The following VWF variants were observed in gnomAD, a reference collection of about 807,000 sequenced individuals.
VWF encodes von Willebrand factor, also known as Factor VIII related antigen.
In VWF, 176 loss-of-function variants were observed where a neutral mutation model predicts 308.6. That is an observed-to-expected ratio of 0.57 (90% CI 0.50 to 0.65). VWF has a LOEUF of 0.65. Ranked by LOEUF, VWF falls within the 30% of genes least tolerant of loss-of-function variation. The pLI is 0.00. For missense variants in VWF, 3,146 were observed against 3,648.2 expected (o/e 0.86, Z 3.55); for synonymous variants, 1,385 against 1,443.4 (o/e 0.96, Z 0.92).
Position 6,019,647 on chromosome 12 carries a change from C to G in VWF, c.3771G>C (p.Leu1257=). The G allele has an allele frequency of 1.9e-6, 3 of 1,613,940 alleles. No individual in the cohort carries two copies. Among genetic ancestry groups the G allele is most frequent in the South Asian group, 1.1e-5 (1 of 91,074 alleles). ...PTDAPVSPTT[L]YVEDISEPPL... ...GCGGTTCCGAGATGTCCTCCACATA[C>G]AGAGTGGTGGGGCTCACCGGGGCAT... Residue 1257 remains leucine (L), a synonymous_variant, in exon 28 of 52, where the codon CTG becomes CTC. Transcript: ENST00000261405. The surrounding 1 kb of genome is among the most constrained non-coding windows in gnomAD (Gnocchi z 5.8).
intron 34 of VWF, among the ~76,000 whole-genome samples, chr12:6,010,843 C>A (rs114452911): frequency 2.6e-5 from 4 of 152,166 alleles, no homozygotes; most frequent in Non-Finnish European, 4.4e-5. Flanking sequence ...TTGATTATTA[C>A]GCAAGAGTGG....
intron 50 of VWF, among the ~76,000 whole-genome samples, chr12:5,951,501 G>A (rs553666043): frequency 7.9e-5 from 12 of 152,292 alleles, no homozygotes; most frequent in African/African-American, 2.6e-4. Flanking sequence ...GGAACATATC[G>A]TCCCAGGATA....
chr12:5,971,757 A>C, intron 43 of VWF, 48 bp from the exon 44 acceptor site: 2 of 1,525,994 alleles, frequency 1.3e-6, no homozygotes, highest in Non-Finnish European at 1.8e-6. Context: ...CAGCAAAGAC[A>C]CAGGGGCTCT....
rs61751301 is a variant in VWF, at chr12:5,969,204, G to A, written c.7729+7C>T. On this transcript the variant is annotated splice_region_variant and intron_variant, in intron 45 of 51. Coordinates refer to ENST00000261405, the MANE Select transcript of VWF (RefSeq NM_000552.5). ...GGTCCAGCCCAGCCCCAGCCTGCAT[G>A]CCTTACCACAGCGACAGCTTGGGCA... 6.2e-7 allele frequency: 1 copy of A among 1,610,858 alleles called. No individual in the cohort carries two copies.
rs1196724022 is a variant in VWF, at chr12:6,110,857, T to G, written c.323+9A>C. The G allele has an allele frequency of 2.5e-6, 4 of 1,613,674 alleles. No homozygotes were observed. Among genetic ancestry groups the G allele is most frequent in the Non-Finnish European group, 2.5e-6 (3 of 1,179,590 alleles). ...AGGGTCCTTTCTAACTCAGACATTG[T>G]TGGCTTACCTTTGGTCCCCCTGTGT... On this transcript the variant is annotated intron_variant, in intron 4 of 51. Transcript: ENST00000261405.
chr12:5,973,953 A>C (rs1280167301), intron 43 of VWF, among the ~76,000 whole-genome samples: 3 of 152,144 alleles, frequency 2.0e-5, no homozygotes. Flanking sequence ...CATTCCTGAG[A>C]AGCCGCCAAT....
intron 16 of VWF, among the ~76,000 whole-genome samples, chr12:6,051,633 T>C (rs147347445): frequency 2.0e-5 from 3 of 152,294 alleles, no homozygotes; most frequent in Non-Finnish European, 4.4e-5. Context: ...GTCTGGTGAC[T>C]GGATTTCCCT....
Position 6,052,463 on chromosome 12 carries a change from GAAGTA to G in VWF, c.2186+75_2186+79del, listed in dbSNP as rs1374833511. The G allele has an allele frequency of 5.6e-6, 9 of 1,604,308 alleles. No individual in the cohort carries two copies. The African/African-American group carries it at 1.2e-4, about 21-fold the overall frequency. On this transcript the variant is annotated intron_variant, in intron 16 of 51. Transcript: ENST00000261405. ...CTTGGGCCCCAGTTTACCCATCCAT[GAAGTA>G]AAGGACTTGGGGGTCCCGTTTTCCT...
intron 5 of VWF, among the ~76,000 whole-genome samples, chr12:6,097,065 T>C (rs1201610830): frequency 1.3e-5 from 2 of 152,144 alleles, no homozygotes; most frequent in Non-Finnish European, 2.9e-5. Context: ...AAGATGTGCT[T>C]GAGTTAGGGA....
rs1199976035 is a variant in VWF at position 6,024,931 on chromosome 12, G to A, written c.3222+649C>T. On this transcript the variant is annotated intron_variant, in intron 24 of 51. Coordinates refer to ENST00000261405, the MANE Select transcript of VWF (RefSeq NM_000552.5). The surrounding 1 kb of genome is among the most constrained non-coding windows in gnomAD (Gnocchi z 4.0). Reference sequence around the variant, plus strand: ...CCAGGTACTCGGGAGGTTGAGGCAGGAGAATCGCTTGAGCCCAGGAGGCAG... The same window carrying A: ...CCAGGTACTCGGGAGGTTGAGGCAGAAGAATCGCTTGAGCCCAGGAGGCAG... 6.6e-6 allele frequency among the ~76,000 whole-genome samples: 1 copy of A among 151,846 alleles called. No individual in the cohort carries two copies. The highest frequency in any genetic ancestry group is 1.5e-5 in the Non-Finnish European group (1 of 68,006).
At chr12:6,079,364 T>C (rs189660975) in intron 6 of VWF, among the ~76,000 whole-genome samples, 3 of 152,210 alleles carry the variant, frequency 2.0e-5, no homozygotes, top group East Asian at 1.9e-4. Context: ...CCCAGCACTT[T>C]TGGAGGCCAA....
intron 24 of VWF, among the ~76,000 whole-genome samples, chr12:6,025,037 A>AG (rs34253435): frequency 0.27 from 40,090 of 149,128 alleles, 6,150 homozygotes; most frequent in African/African-American, 0.4. Flanking sequence ...AAAAAAAAAA[A>AG]AGAGAGAGAC....
At chr12:6,069,765 AAG>A (rs528556480) in intron 10 of VWF, among the ~76,000 whole-genome samples, 1 of 152,224 alleles carries the variant, frequency 6.6e-6, no homozygotes, top group Non-Finnish European at 1.5e-5. Context: ...TCTTTTCATC[AAG>A]ACATCAAGAG....
chr12:6,104,558 G>A (rs141388545), intron 5 of VWF, among the ~76,000 whole-genome samples: 62 of 152,038 alleles, frequency 4.1e-4, no homozygotes, highest in Admixed American at 1.6e-3. Flanking sequence ...TGAGCCGGAC[G>A]TGGTGACATG....
intron 16 of VWF, among the ~76,000 whole-genome samples, chr12:6,047,932 C>T (rs1944464679): frequency 6.6e-6 from 1 of 152,194 alleles, no homozygotes; most frequent in African/African-American, 2.4e-5. Context: ...GGATTTTAGT[C>T]TATCTGCACA....
In VWF at chr12:6,041,842, T is replaced by C. The variant is rs556842447; in HGVS notation, c.2442+2449A>G. On this transcript the variant is annotated intron_variant, in intron 18 of 51. Coordinates refer to ENST00000261405, the MANE Select transcript of VWF (RefSeq NM_000552.5). ...CATTTTTATTGTATTTACAAAAGCA[T>C]GGGTCCACAGCAGGCTGGAAATCTA... Among the ~76,000 whole-genome samples the C allele has an allele frequency of 3.3e-5, 5 of 152,338 alleles. No homozygotes were observed. The East Asian group carries it at 9.6e-4, about 29-fold the overall frequency.
chr12:6,026,890 A>G (rs11609998), intron 22 of VWF, among the ~76,000 whole-genome samples: 42,904 of 152,096 alleles, frequency 0.28, 6,817 homozygotes, highest in African/African-American at 0.42. Context: ...AAATACATAC[A>G]GTTAAATGTC....
Position 6,012,614 on chromosome 12 carries a change from T to C in VWF, c.5621-484A>G, listed in dbSNP as rs566481314. ...TTATTCCCCCGAAGGACAGTAGCTT[T>C]ATGCAGGTTTTGACTTACATCTAGT... On this transcript the variant is annotated intron_variant, in intron 32 of 51. Transcript: ENST00000261405. Among the ~76,000 whole-genome samples the C allele has an allele frequency of 2.0e-5, 3 of 152,248 alleles. No homozygotes were observed. The South Asian group carries it at 6.2e-4, about 32-fold the overall frequency.
intron 43 of VWF, among the ~76,000 whole-genome samples, chr12:5,972,825 A>G (rs2136359689): frequency 6.6e-6 from 1 of 152,336 alleles, no homozygotes; most frequent in South Asian, 2.1e-4. Flanking sequence ...CCTCCAAGAT[A>G]CAGCAGAACA....
Sources: allele counts gnomAD v4.1 joint callset (sites outside exome capture counted in the v4.1 genomes callset), GRCh38; gene constraint gnomAD v4.1.1; non-coding constraint Gnocchi (gnomAD v3.1); transcripts MANE v1.5; gene names NCBI Gene and HGNC (gene_info 2026-07-23, HGNC 2026-07-21).